Variants in PPP6R2 observed in about 807,000 individuals in gnomAD.
PPP6R2 encodes the protein protein phosphatase 6 regulatory subunit 2.
Under a neutral mutation model 100.2 loss-of-function variants are expected in PPP6R2, and 62 were observed. The observed-to-expected ratio is 0.62, with a 90% CI of 0.50 to 0.76. The LOEUF (loss-of-function observed/expected upper bound fraction) is 0.76, where lower values mean the gene tolerates loss of function less well. Ranked by LOEUF, PPP6R2 falls within the 30% of genes least tolerant of loss-of-function variation. The probability of loss-of-function intolerance (pLI) is 0.00; values close to 1 mark genes in which losing one functional copy is unlikely to be tolerated. For synonymous variants in PPP6R2, 525 were observed against 514.7 expected (o/e 1.02, Z -0.27); for missense variants, 1,142 against 1,276.3 (o/e 0.89, Z 1.60).
intron 1 of PPP6R2, among the ~76,000 whole-genome samples, chr22:50,360,350 CTT>C (rs146808027): frequency 1.1e-3 from 147 of 135,228 alleles, no homozygotes; most frequent in African/African-American, 1.2e-3. Flanking sequence ...CATGCTCAGC[CTT>C]TTTTTTTTTT....
chr22:50,390,860 G>A (rs1406175452), intron 2 of PPP6R2, among the ~76,000 whole-genome samples: 9 of 151,084 alleles, frequency 6.0e-5, no homozygotes, highest in Non-Finnish European at 1.2e-4. Flanking sequence ...TTAGCTGGGC[G>A]TGGTGGCACA....
intron 2 of PPP6R2, among the ~76,000 whole-genome samples, chr22:50,378,319 G>T (rs2052073135): frequency 6.6e-6 from 1 of 152,172 alleles, no homozygotes; most frequent in Non-Finnish European, 1.5e-5. Context: ...TGGGTGCGGT[G>T]GGTCACCCTG....
intron 2 of PPP6R2, among the ~76,000 whole-genome samples, chr22:50,374,202 C>T (rs2050933538): frequency 6.6e-6 from 1 of 152,062 alleles, no homozygotes; most frequent in South Asian, 2.1e-4. Context: ...TTTCTGTGAG[C>T]ACTCTGATGC....
chr22:50,339,451 GTGGTGTGTGAT>G (rs1475262507), upstream of PPP6R2, among the ~76,000 whole-genome samples: 2 of 136,260 alleles, frequency 1.5e-5, no homozygotes, highest in Non-Finnish European at 3.2e-5. Context: ...TGTGTTGTGT[GTGGTGTGTGAT>G]TGGTGTGTGT....
intron 1 of PPP6R2, among the ~76,000 whole-genome samples, chr22:50,371,533 A>G (rs2050208573): frequency 6.6e-6 from 1 of 152,200 alleles, no homozygotes; most frequent in Admixed American, 6.5e-5. Context: ...ATCTTAAAAT[A>G]TCATTTTAAC....
chr22:50,370,412 C>T (rs1052136149), intron 1 of PPP6R2, among the ~76,000 whole-genome samples: 19 of 151,618 alleles, frequency 1.3e-4, no homozygotes, highest in Non-Finnish European at 2.1e-4. Context: ...CTCAGCCTCC[C>T]GAGGAGATGG....
intron 4 of PPP6R2, among the ~76,000 whole-genome samples, chr22:50,408,458 T>A (rs7511136): frequency 6.6e-5 from 10 of 152,014 alleles, no homozygotes; most frequent in African/African-American, 1.9e-4. Context: ...GCCAGGGGAC[T>A]GCCTCACCTC....
intron 9 of PPP6R2, among the ~76,000 whole-genome samples, chr22:50,422,851 A>G (rs537717692): frequency 6.6e-6 from 1 of 152,258 alleles, no homozygotes; most frequent in Non-Finnish European, 1.5e-5. Context: ...CTCCTGACCT[A>G]TAGCTCAGTT....
the PPP6R2 span, among the ~76,000 whole-genome samples, chr22:50,334,965 C>T: frequency 1.3e-5 from 2 of 151,666 alleles, no homozygotes; most frequent in African/African-American, 2.4e-5. Flanking sequence ...AACAAACAAA[C>T]AAATAAAAAA....
At chr22:50,388,619 A>T (rs1392915959) in intron 2 of PPP6R2, among the ~76,000 whole-genome samples, 1 of 152,066 alleles carries the variant, frequency 6.6e-6, no homozygotes, top group South Asian at 2.1e-4. Context: ...CACGCCTATA[A>T]TCCCAGCATT....
At chr22:50,419,055 G>C in intron 7 of PPP6R2, 76 bp downstream of exon 7, 1 of 1,204,784 alleles carries the variant, frequency 8.3e-7, no homozygotes. Flanking sequence ...CTTGCTCTGA[G>C]CACCAGGATA....
chr22:50,348,457 C>T (rs2044252964), intron 1 of PPP6R2, among the ~76,000 whole-genome samples: 1 of 152,134 alleles, frequency 6.6e-6, no homozygotes, highest in Admixed American at 6.6e-5. Context: ...AGGGTAATTT[C>T]TGGGCTGCTT....
chr22:50,436,238 C>G (rs2064231286), intron 13 of PPP6R2, 129 bp from the exon 14 acceptor site: 3 of 768,838 alleles, frequency 3.9e-6, no homozygotes, highest in Non-Finnish European at 6.5e-6. Context: ...TTCAGGCCCT[C>G]AGACGGGCTG....
At chr22:50,418,715 A>G (rs1306960904) in intron 6 of PPP6R2, 152 bp from the exon 7 acceptor site, 1 of 628,860 alleles carries the variant, frequency 1.6e-6, no homozygotes, top group Admixed American at 2.8e-5. Flanking sequence ...AAAAAAGAAA[A>G]AGTATTTGAA....
chr22:50,332,421 G>A, the PPP6R2 span, among the ~76,000 whole-genome samples: 2 of 151,656 alleles, frequency 1.3e-5, no homozygotes, highest in Admixed American at 6.6e-5. Context: ...TAGTAGAAGC[G>A]GGGTTTCACT....
At chr22:50,359,682 C>T (rs1389300809) in intron 1 of PPP6R2, among the ~76,000 whole-genome samples, 1 of 151,956 alleles carries the variant, frequency 6.6e-6, no homozygotes, top group Admixed American at 6.6e-5. Flanking sequence ...GATTAAATCC[C>T]CTGTGGTATG....
intron 2 of PPP6R2, among the ~76,000 whole-genome samples, chr22:50,385,746 C>T (rs1175512268): frequency 6.6e-6 from 1 of 151,210 alleles, no homozygotes; most frequent in Admixed American, 6.6e-5. Flanking sequence ...GAACTCCTGA[C>T]CTCAGGTGAT....
intron 1 of PPP6R2, among the ~76,000 whole-genome samples, chr22:50,346,670 A>C (rs1601965325): frequency 8.6e-6 from 1 of 116,946 alleles, no homozygotes; most frequent in Non-Finnish European, 1.7e-5. Context: ...CTTGCAAGTC[A>C]TGCTCCTCCT....
intron 1 of PPP6R2, among the ~76,000 whole-genome samples, chr22:50,354,563 C>T (rs1469917819): frequency 1.3e-5 from 2 of 151,624 alleles, no homozygotes; most frequent in African/African-American, 2.4e-5. Context: ...CGGCGCCTCA[C>T]ACCTGTAATC....
Sources: allele counts gnomAD v4.1 joint callset (sites outside exome capture counted in the v4.1 genomes callset), GRCh38; gene constraint gnomAD v4.1.1; transcripts MANE v1.5; gene names NCBI Gene and HGNC (gene_info 2026-07-23, HGNC 2026-07-21).